The following PCCA variants were observed in gnomAD, a reference collection of about 807,000 sequenced individuals.
The protein encoded by PCCA is propionyl-CoA carboxylase subunit alpha.
PCCA carries 74 observed loss-of-function variants against 101.3 expected under a neutral mutation model. The observed-to-expected ratio is 0.73, with a 90% CI of 0.61 to 0.89. PCCA has a LOEUF of 0.89. PCCA is among the 40% of genes least tolerant of loss of function. The pLI is 0.00. For synonymous variants in PCCA, 294 were observed against 313.6 expected (o/e 0.94, Z 0.66); for missense variants, 891 against 907.0 (o/e 0.98, Z 0.23).
At chr13:100,258,030 A>G (rs1186052441) in intron 9 of PCCA, among the ~76,000 whole-genome samples, 1 of 152,210 alleles carries the variant, frequency 6.6e-6, no homozygotes, top group Admixed American at 6.5e-5. Context: ...AATCAACTAT[A>G]TTTAAAAGCA....
At chr13:100,237,342 A>AG (rs769922266) in intron 8 of PCCA, 2 of 152,230 alleles carry the variant, frequency 1.3e-5, no homozygotes, top group Non-Finnish European at 2.9e-5. Context: ...TTATTGATAT[A>AG]GGTCCTGGAT....
At chr13:100,420,328 T>C (rs1378854269) in intron 19 of PCCA, among the ~76,000 whole-genome samples, 1 of 152,210 alleles carries the variant, frequency 6.6e-6, no homozygotes, top group Non-Finnish European at 1.5e-5. Flanking sequence ...ATCTCAGCAC[T>C]TTGGGAGACC....
At chr13:100,103,346 C>G (rs1215658926) in intron 2 of PCCA, among the ~76,000 whole-genome samples, 3 of 149,494 alleles carry the variant, frequency 2.0e-5, no homozygotes, top group Non-Finnish European at 4.4e-5. Flanking sequence ...GAGTCATGCT[C>G]TATCACCCAG....
At chr13:100,468,382 C>T (rs771106001) in intron 21 of PCCA, among the ~76,000 whole-genome samples, 6 of 152,194 alleles carry the variant, frequency 3.9e-5, no homozygotes, top group Non-Finnish European at 8.8e-5. Context: ...GTTTACTTCT[C>T]CTCTCTAGTT....
intron 4 of PCCA, among the ~76,000 whole-genome samples, chr13:100,116,056 A>G (rs1398994015): frequency 1.3e-5 from 2 of 152,200 alleles, no homozygotes; most frequent in Non-Finnish European, 2.9e-5. Flanking sequence ...TTCAGTCTCA[A>G]GGAGGCTGAA....
chr13:100,127,992 T>G (rs2050135690), intron 4 of PCCA, among the ~76,000 whole-genome samples: 1 of 152,230 alleles, frequency 6.6e-6, no homozygotes, highest in Non-Finnish European at 1.5e-5. Context: ...ACAGCCTCCC[T>G]CATTCAGACT....
intron 20 of PCCA, among the ~76,000 whole-genome samples, chr13:100,433,240 G>A (rs981600197): frequency 6.6e-6 from 1 of 152,186 alleles, no homozygotes; most frequent in African/African-American, 2.4e-5. Context: ...ATTCCCATTA[G>A]CAGTGCACAA....
chr13:100,355,777 A>G (rs1317678852), intron 18 of PCCA, among the ~76,000 whole-genome samples: 1 of 152,152 alleles, frequency 6.6e-6, no homozygotes, highest in Non-Finnish European at 1.5e-5. Context: ...TTTTGGAAAA[A>G]TAGACATCTG....
intron 22 of PCCA, among the ~76,000 whole-genome samples, chr13:100,524,053 C>CCCT (rs2087521310): frequency 6.6e-6 from 1 of 152,232 alleles, no homozygotes; most frequent in African/African-American, 2.4e-5. Flanking sequence ...CACTGCCCAG[C>CCCT]TCCCTGGTGT....
At chr13:100,495,776 AT>A (rs200636981) in intron 21 of PCCA, among the ~76,000 whole-genome samples, 3 of 151,984 alleles carry the variant, frequency 2.0e-5, no homozygotes, top group Non-Finnish European at 4.4e-5. Flanking sequence ...TCCTACACTT[AT>A]TTTTTTCCCC....
At chr13:100,317,353 A>G (rs2067477567) in intron 16 of PCCA, among the ~76,000 whole-genome samples, 1 of 152,130 alleles carries the variant, frequency 6.6e-6, no homozygotes, top group Admixed American at 6.6e-5. Flanking sequence ...ATTCCTTCAC[A>G]TATGGGAGAT....
At chr13:100,360,151 AGT>A (rs2074409117) in intron 18 of PCCA, among the ~76,000 whole-genome samples, 1 of 151,892 alleles carries the variant, frequency 6.6e-6, no homozygotes, top group Non-Finnish European at 1.5e-5. Flanking sequence ...AGGCAAAAAG[AGT>A]TTTGTGCAGG....
intron 18 of PCCA, among the ~76,000 whole-genome samples, chr13:100,348,764 CTTT>C (rs2072719559): frequency 1.1e-5 from 1 of 87,774 alleles, no homozygotes; most frequent in East Asian, 2.8e-4. Context: ...TTCTTTCTTT[CTTT>C]CTTTCTTTCT....
intron 6 of PCCA, among the ~76,000 whole-genome samples, chr13:100,167,189 G>A (rs1566621196): frequency 6.6e-6 from 1 of 152,134 alleles, no homozygotes; most frequent in Non-Finnish European, 1.5e-5. Flanking sequence ...AAGAGCAACA[G>A]CTTTTAGTCT....
chr13:100,402,253 GTTTTTTGTTTTTTT>G (rs1196831758), intron 19 of PCCA, among the ~76,000 whole-genome samples: 1 of 149,648 alleles, frequency 6.7e-6, no homozygotes, highest in East Asian at 2.0e-4. Flanking sequence ...TTTGTTTTTT[GTTTTTTGTTTTTTT>G]TTTAAAGAAC....
intron 19 of PCCA, among the ~76,000 whole-genome samples, chr13:100,373,700 T>C (rs2075722291): frequency 6.6e-6 from 1 of 152,216 alleles, no homozygotes; most frequent in Non-Finnish European, 1.5e-5. Flanking sequence ...AAAATGCAAA[T>C]GTATTTAATA....
chr13:100,469,361 G>A (rs755510066), intron 21 of PCCA, among the ~76,000 whole-genome samples: 2 of 152,170 alleles, frequency 1.3e-5, no homozygotes, highest in African/African-American at 4.8e-5. Flanking sequence ...TAAGGGACTG[G>A]AATCCTACAT....
intron 4 of PCCA, among the ~76,000 whole-genome samples, chr13:100,140,946 C>T (rs1357386187): frequency 1.3e-5 from 2 of 152,108 alleles, no homozygotes; most frequent in African/African-American, 4.8e-5. Flanking sequence ...GTTGATAGCA[C>T]TATGTCCTAA....
chr13:100,128,764 C>G (rs1255144913), intron 4 of PCCA, among the ~76,000 whole-genome samples: 5 of 152,124 alleles, frequency 3.3e-5, no homozygotes, highest in Non-Finnish European at 5.9e-5. Flanking sequence ...CACTATTACC[C>G]TTTTTCAGAC....
Sources: allele counts gnomAD v4.1 joint callset (sites outside exome capture counted in the v4.1 genomes callset), GRCh38; gene constraint gnomAD v4.1.1; transcripts MANE v1.5; gene names NCBI Gene and HGNC (gene_info 2026-07-23, HGNC 2026-07-21).